The following E4F1 variants were observed in gnomAD, a reference collection of about 807,000 sequenced individuals.
E4F1 encodes the protein transcription factor E4F1.
E4F1 carries 30 observed loss-of-function variants against 72.9 expected under a neutral mutation model. That is an observed-to-expected ratio of 0.41 (90% CI 0.31 to 0.56). The LOEUF is 0.56. E4F1 is among the 20% of genes least tolerant of loss of function. E4F1 has a pLI of 0.25. For synonymous variants in E4F1, 542 were observed against 478.2 expected (o/e 1.13, Z -1.74); for missense variants, 1,091 against 1,117.5 (o/e 0.98, Z 0.34).
rs200190676 is a variant in E4F1 at position 2,233,441 on chromosome 16, C to T, written c.1060C>T (p.Pro354Ser). 2.7e-5 allele frequency: 41 copies of T among 1,509,674 alleles called. No homozygotes were observed. The African/African-American group carries it at 4.4e-4, about 16-fold the overall frequency. 93.5% of individuals were successfully genotyped at this position (1,509,674 alleles called of 1,614,324 possible). The change falls in exon 8 of 14, where the codon CCC (proline) becomes TCC (serine). Residue 354 changes from proline (P) to serine (S), a missense_variant. This residue lies in a region of E4F1 where 622 missense variants were observed against 628.0 expected (regional missense o/e 0.99). Coordinates refer to ENST00000301727, the MANE Select transcript of E4F1 (RefSeq NM_004424.5). ...LGMKALAPEPPVSQELPCSSE... is the reference protein window; with the variant it reads ...LGMKALAPEPSVSQELPCSSE... ...CCTCTCTCTGCCTCCCCTGCAGCCC[C>T]CCGTCTCCCAGGAGCTCCCCTGCTC...
Position 2,234,978 on chromosome 16 carries a change from G to A in E4F1, c.1912G>A (p.Asp638Asn), listed in dbSNP as rs1246854028. The change falls in exon 12 of 14, where the codon GAC becomes AAC. Residue 638 changes from aspartate to asparagine, a missense_variant. Transcript: ENST00000301727. Reference protein sequence around the residue: ...VLVEFSSVVADTQEYIIEATA... With the variant: ...VLVEFSSVVANTQEYIIEATA... ...GGTGGAGTTCTCGTCCGTGGTAGCT[G>A]ACACCCAGGAGTATATCATCGAGGT... 9 of 1,607,690 alleles carry A rather than the reference G, an allele frequency of 5.6e-6. No homozygotes were observed. In the African/African-American group the frequency reaches 8.0e-5, roughly 14 times the overall value.
intron 10 of E4F1, 75 bp downstream of exon 10, chr16:2,234,463 C>A (rs1392707661): frequency 6.3e-7 from 1 of 1,582,438 alleles, no homozygotes; most frequent in East Asian, 2.3e-5. Flanking sequence ...GGTGCACCCC[C>A]TTCCCTGCCT....
Position 2,232,879 on chromosome 16 carries a change from T to G in E4F1, c.854T>G (p.Val285Gly). The change falls in exon 6 of 14, where the codon GTG becomes GGG. Residue 285 changes from valine (V) to glycine (G), a missense_variant. By Grantham distance (109) the Val-to-Gly change is moderately radical. Transcript: ENST00000301727. ...EKIRFSVSKDVVVSKEDARAG... is the reference protein window; with the variant it reads ...EKIRFSVSKDGVVSKEDARAG... ...ATCCGCTTCAGTGTGAGCAAGGACG[T>G]GGTTGTCAGCAAAGAGGACGCACGT... 6 of 1,613,324 alleles carry G rather than the reference T, an allele frequency of 3.7e-6. No homozygotes were observed. The highest frequency in any genetic ancestry group is 5.1e-6 in the Non-Finnish European group (6 of 1,179,992).
In E4F1 at chr16:2,235,671, T is replaced by G; in HGVS notation, c.*99T>G. 2 of 1,033,974 alleles carry G rather than the reference T, an allele frequency of 1.9e-6. No homozygotes were observed. The highest frequency in any genetic ancestry group is 2.8e-6 in the Non-Finnish European group (2 of 726,286). 64.0% of individuals were successfully genotyped at this position (1,033,974 alleles called of 1,614,324 possible). On this transcript the variant is annotated 3_prime_UTR_variant, in exon 14 of 14. Coordinates refer to ENST00000301727, the MANE Select transcript of E4F1 (RefSeq NM_004424.5). ...GCCTGGTAGAGAAGATGGCACAGGATGGAGGCGCCCCAAGACGGACAGTGT... is the reference window on the plus strand; with the variant it reads ...GCCTGGTAGAGAAGATGGCACAGGAGGGAGGCGCCCCAAGACGGACAGTGT...
rs762289883 is a variant in E4F1, at chr16:2,234,941, G to A, written c.1875G>A (p.Pro625=). The A allele has an allele frequency of 1.2e-5, 19 of 1,577,684 alleles. No individual in the cohort carries two copies. Among genetic ancestry groups the A allele is most frequent in the Admixed American group, 1.1e-4 (6 of 54,538 alleles). Residue 625 remains proline (P), a synonymous_variant, in exon 12 of 14, where the codon CCG becomes CCA. Transcript: ENST00000301727. ...AAATTVLTED[P]HTVLVEFSSV... is the part of the protein sequence containing the mutation. Reference sequence around the variant, plus strand: ...CCACCACCGTCCTCACGGAAGACCCGCACACAGTGTTGGTGGAGTTCTCGT... The same window carrying A: ...CCACCACCGTCCTCACGGAAGACCCACACACAGTGTTGGTGGAGTTCTCGT...
At chr16:2,224,777 C>T (rs1279653187) in intron 1 of E4F1, among the ~76,000 whole-genome samples, 1 of 150,950 alleles carries the variant, frequency 6.6e-6, no homozygotes, top group Admixed American at 6.6e-5. Flanking sequence ...AGCCGGACTC[C>T]GTCTCAAAAG....
intron 7 of E4F1, 110 bp downstream of exon 7, chr16:2,233,293 G>T: frequency 6.8e-7 from 1 of 1,475,644 alleles, no homozygotes; most frequent in Non-Finnish European, 9.0e-7. Flanking sequence ...GCGAGGGCTG[G>T]GCTTCCCACA....
Position 2,234,865 on chromosome 16 carries a change from G to T in E4F1, c.1799G>T (p.Cys600Phe). 6.5e-7 allele frequency: 1 copy of T among 1,549,846 alleles called. No individual in the cohort carries two copies. Among genetic ancestry groups the T allele is most frequent in the South Asian group, 1.2e-5 (1 of 84,072 alleles). ...LNRHLRTKGG[C>F]LLEVEELLVS... ...ACCGAGTCCCCACCCACAGGGGGCTGCCTGCTGGAGGTGGAGGAGTTGCTG... is the reference window on the plus strand; with the variant it reads ...ACCGAGTCCCCACCCACAGGGGGCTTCCTGCTGGAGGTGGAGGAGTTGCTG... Residue 600 changes from cysteine (C) to phenylalanine (F), a missense_variant, in exon 12 of 14, where the codon TGC becomes TTC. By Grantham distance (205) the Cys-to-Phe change is radical. Around this residue, in one of 5 missense-constraint regions of E4F1, gnomAD observed 622 missense variants for 628.0 expected, o/e 0.99. Transcript: ENST00000301727.
chr16:2,232,413 G>A (rs749230680), intron 4 of E4F1, 43 bp from the exon 5 acceptor site: 39 of 1,603,442 alleles, frequency 2.4e-5, no homozygotes, highest in Admixed American at 6.8e-5. Context: ...GCCCCCTCCT[G>A]TTCCCCCAGG....
intron 5 of E4F1, 32 bp downstream of exon 5, chr16:2,232,608 G>A (rs2093474844): frequency 8.1e-6 from 13 of 1,609,912 alleles, no homozygotes; most frequent in Middle Eastern, 1.8e-4. Context: ...CTGGAGCCCG[G>A]TAGCACCCCG....
chr16:2,234,913 C>A lies in E4F1; in HGVS notation c.1847C>A (p.Ala616Glu). Reference protein sequence around the residue: ...ELLVSEDSPAAATTVLTEDPH... With the variant: ...ELLVSEDSPAEATTVLTEDPH... ...CTGGTGTCTGAGGACAGCCCCGCGG[C>A]AGCCACCACCGTCCTCACGGAAGAC... Residue 616 changes from alanine to glutamate, a missense_variant, in exon 12 of 14, where the codon GCA becomes GAA. Physicochemically the swap from Ala to Glu is moderately radical, Grantham distance 107. Transcript: ENST00000301727. 6.4e-7 allele frequency: 1 copy of A among 1,554,454 alleles called. No individual in the cohort carries two copies. Among genetic ancestry groups the A allele is most frequent in the South Asian group, 1.2e-5 (1 of 84,730 alleles).
chr16:2,234,676 G>A lies in E4F1; in HGVS notation c.1687G>A (p.Val563Met), dbSNP rs749451593. The A allele has an allele frequency of 6.3e-7, 1 of 1,580,948 alleles. No individual in the cohort carries two copies. Among genetic ancestry groups the A allele is most frequent in the South Asian group, 1.1e-5 (1 of 86,990 alleles). The change falls in exon 11 of 14, where the codon GTG becomes ATG. Residue 563 changes from valine to methionine, a missense_variant. Val to Met is a conservative substitution (Grantham distance 21). This residue lies in a region of E4F1 where 622 missense variants were observed against 628.0 expected (regional missense o/e 0.99). Transcript: ENST00000301727. ...SRGFREKGSL[V>M]RHVRHHTGEK... Reference sequence around the variant, plus strand: ...TGGCTTCCGAGAGAAGGGCTCACTGGTGCGGCACGTGCGACACCACACAGG... The same window carrying A: ...TGGCTTCCGAGAGAAGGGCTCACTGATGCGGCACGTGCGACACCACACAGG...
intron 9 of E4F1, 52 bp from the exon 10 acceptor site, chr16:2,234,119 C>G: frequency 6.3e-7 from 1 of 1,592,752 alleles, no homozygotes; most frequent in South Asian, 1.1e-5. Flanking sequence ...TGGCAGGCGG[C>G]CTGGCGGGCC....
At position 2,234,358 on chromosome 16, in the gene E4F1, T is replaced by C; in HGVS notation, c.1563T>C (p.Cys521=). Residue 521 remains cysteine, a synonymous_variant, in exon 10 of 14, where the codon TGT becomes TGC. Coordinates refer to ENST00000301727, the MANE Select transcript of E4F1 (RefSeq NM_004424.5). ...RVHSDERPYP[C]PKCGKRYKTK... is the part of the protein sequence containing the mutation. The stretch of plus-strand genomic sequence containing the variant: ...ACTCAGACGAGCGGCCCTACCCTTG[T>C]CCCAAGTGTGGCAAGCGCTACAAGA... The C allele has an allele frequency of 6.2e-7, 1 of 1,612,936 alleles. No individual in the cohort carries two copies. The highest frequency in any genetic ancestry group is 8.5e-7 in the Non-Finnish European group (1 of 1,179,974).
chr16:2,234,088 GC>G, intron 9 of E4F1, 82 bp from the exon 10 acceptor site: 1 of 1,561,586 alleles, frequency 6.4e-7, no homozygotes. Flanking sequence ...ACAGCAGGGA[GC>G]CAGGGGATCT....
chr16:2,226,408 G>C (rs2093433140), intron 1 of E4F1, among the ~76,000 whole-genome samples: 1 of 152,192 alleles, frequency 6.6e-6, no homozygotes, highest in Non-Finnish European at 1.5e-5. Context: ...GGAAGAGGGT[G>C]GTGGGCACCT....
intron 3 of E4F1, 121 bp downstream of exon 3, chr16:2,229,796 C>T (rs535759108): frequency 2.0e-5 from 22 of 1,089,086 alleles, no homozygotes; most frequent in Admixed American, 4.3e-5. Context: ...GGAGGGGCCG[C>T]GGCCTCGTGG....
At chr16:2,235,057 C>G (rs2093498099) in intron 12 of E4F1, 24 bp from the exon 13 acceptor site, 1 of 1,612,182 alleles carries the variant, frequency 6.2e-7, no homozygotes, top group Non-Finnish European at 8.5e-7. Context: ...AGGCTGACCT[C>G]TGTCCTTCTG....
intron 1 of E4F1, among the ~76,000 whole-genome samples, chr16:2,227,124 T>A (rs1028729616): frequency 6.6e-6 from 1 of 152,184 alleles, no homozygotes; most frequent in Non-Finnish European, 1.5e-5. Context: ...TACTGCAGCC[T>A]CCACCCCTGG....
Sources: gnomAD v4.1 joint callset for allele counts (sites outside exome capture counted in the v4.1 genomes callset) on GRCh38, gnomAD v4.1.1 for gene constraint, gnomAD v4.1.1 regional missense constraint, MANE v1.5 for transcripts, NCBI Gene and HGNC (gene_info 2026-07-23, HGNC 2026-07-21) for gene names.